The following COL6A5 variants were observed in gnomAD, a reference collection of about 807,000 sequenced individuals.
The protein encoded by COL6A5 is collagen alpha-5(VI) chain.
COL6A5 carries 48 observed loss-of-function variants against 65.6 expected under a neutral mutation model. That is an observed-to-expected ratio of 0.73 (90% CI 0.58 to 0.93). COL6A5 has a LOEUF of 0.93. Ranked by LOEUF, COL6A5 falls within the 40% of genes least tolerant of loss-of-function variation. COL6A5 has a pLI of 0.00. For missense variants in COL6A5, 914 were observed against 928.3 expected (o/e 0.98, Z 0.20); for synonymous variants, 291 against 322.8 (o/e 0.90, Z 1.05).
At chr3:130,447,427 A>C (rs966220051) in intron 4 of COL6A5, among the ~76,000 whole-genome samples, 6 of 152,168 alleles carry the variant, frequency 3.9e-5, no homozygotes, top group African/African-American at 1.4e-4. Context: ...TTTCCAGCTG[A>C]GAGCAAATTT....
intron 7 of COL6A5, chr3:130,476,871 T>G (rs1036448895): frequency 1.5e-6 from 1 of 684,460 alleles, no homozygotes; most frequent in Admixed American, 2.0e-5. Flanking sequence ...TCTTTAATTC[T>G]TTTTCTCACA....
rs144244014 is a variant in COL6A5 at position 130,462,756 on chromosome 3, C to T, written c.1545-6039C>T. On this transcript the variant is annotated intron_variant, in intron 5 of 7. Coordinates refer to ENST00000512836, the Ensembl canonical transcript of COL6A5. ...CATTTAGTTCGTATATAGTTGCTTA[C>T]TTTTGGAAGAAAACGTTCTCTGGTG... Among the ~76,000 whole-genome samples the T allele has an allele frequency of 1.5e-3, 234 of 152,160 alleles. 1 individual carries two copies. Among genetic ancestry groups the T allele is most frequent in the Non-Finnish European group, 2.8e-3 (193 of 67,974 alleles).
At position 130,371,866 on chromosome 3, in the gene COL6A5, G is replaced by A. The variant is rs1021186894; in HGVS notation, c.-28-1745G>A. On this transcript the variant is annotated intron_variant and NMD_transcript_variant, in intron 1 of 41. Transcript: ENST00000312481. The stretch of plus-strand genomic sequence containing the variant: ...ATTTAAAATCACTTGTGCCTCAAAG[G>A]ACACATTTAAAAAGTGAAAATACAA... Among the ~76,000 whole-genome samples, 10 of 152,144 alleles carry A rather than the reference G, an allele frequency of 6.6e-5. No homozygotes were observed. In the South Asian group the frequency reaches 2.1e-3, roughly 32 times the overall value.
At position 130,388,564 on chromosome 3, in the gene COL6A5, T is replaced by A; in HGVS notation, c.1862-16T>A. The A allele has an allele frequency of 6.7e-7, 1 of 1,495,388 alleles. No homozygotes were observed. The highest frequency in any genetic ancestry group is 1.4e-5 in the South Asian group (1 of 73,046). The allele number at this position is 1,495,388 out of a possible 1,614,324, so 92.6% of individuals were successfully genotyped here. ...CCAACCTGGTTATTTCTGGTCTTTT[T>A]TTTTATAACATGCAGGATGTGAAGA... is the stretch of plus-strand genomic sequence containing the variant. On this transcript the variant is annotated splice_polypyrimidine_tract_variant and intron_variant and NMD_transcript_variant, in intron 5 of 41. Transcript: ENST00000312481.
exon 3 of COL6A5, chr3:130,440,788 T>C (rs973609286): frequency 4.3e-6 from 7 of 1,612,584 alleles, no homozygotes; most frequent in South Asian, 1.1e-5. Context: ...TGAATTATAT[T>C]GCGAAGTTCT....
At chr3:130,440,166 A>G in exon 3 of COL6A5, 2 of 1,608,114 alleles carry the variant, frequency 1.2e-6, no homozygotes, top group Non-Finnish European at 1.7e-6. Context: ...GTGTTTTCAG[A>G]TAAATGTTTT....
intron 5 of COL6A5, among the ~76,000 whole-genome samples, chr3:130,463,600 C>G (rs1399872289): frequency 6.6e-6 from 1 of 152,070 alleles, no homozygotes. Context: ...CCTTCCAAAT[C>G]TTGCCCATAG....
chr3:130,356,038 C>T (rs948153810), intron 1 of COL6A5, among the ~76,000 whole-genome samples: 8 of 151,950 alleles, frequency 5.3e-5, no homozygotes, highest in African/African-American at 1.9e-4. Context: ...CTTTTTTCTG[C>T]CCTCCTCTTC....
chr3:130,352,560 G>A (rs776027446), intron 1 of COL6A5, among the ~76,000 whole-genome samples: 5 of 152,074 alleles, frequency 3.3e-5, no homozygotes, highest in Admixed American at 6.6e-5. Flanking sequence ...AAAATGGGTA[G>A]ATGTATTTAT....
At chr3:130,422,255 A>T (rs1937531055) in intron 27 of COL6A5, among the ~76,000 whole-genome samples, 1 of 152,054 alleles carries the variant, frequency 6.6e-6, no homozygotes, top group African/African-American at 2.4e-5. Flanking sequence ...ATAAAGGGAG[A>T]AAATTAGCAT....
chr3:130,397,487 T>C, intron 8 of COL6A5, 96 bp from the exon 9 acceptor site: 1 of 901,106 alleles, frequency 1.1e-6, no homozygotes, highest in Non-Finnish European at 1.7e-6. Context: ...AGAGACCCTC[T>C]AGCTCTGGGG....
chr3:130,365,522 C>T (rs1577431711), intron 1 of COL6A5, among the ~76,000 whole-genome samples: 1 of 152,290 alleles, frequency 6.6e-6, no homozygotes, highest in Non-Finnish European at 1.5e-5. Flanking sequence ...CGTGATCCGC[C>T]CGCCTCGGCC....
At chr3:130,397,976 A>T in intron 9 of COL6A5, 53 bp downstream of exon 9, 1 of 1,543,940 alleles carries the variant, frequency 6.5e-7, no homozygotes, top group East Asian at 2.4e-5. Context: ...TTTGTTCTTC[A>T]TTCCCCAATT....
intron 4 of COL6A5, among the ~76,000 whole-genome samples, chr3:130,454,921 A>C (rs1709532442): frequency 6.6e-6 from 1 of 152,110 alleles, no homozygotes; most frequent in African/African-American, 2.4e-5. Context: ...AGGGAGGATC[A>C]CTTGAGCCCA....
At chr3:130,424,088 T>A (rs146362929) in intron 29 of COL6A5, among the ~76,000 whole-genome samples, 188 bp downstream of exon 29, 23 of 152,250 alleles carry the variant, frequency 1.5e-4, no homozygotes, top group African/African-American at 5.3e-4. Context: ...CTGTCCTAAC[T>A]ACCTCAAAAG....
intron 7 of COL6A5, among the ~76,000 whole-genome samples, chr3:130,480,662 C>G (rs1371680297): frequency 6.6e-6 from 1 of 152,088 alleles, no homozygotes; most frequent in Non-Finnish European, 1.5e-5. Context: ...ACCACTTAAA[C>G]TCATAACGAA....
intron 4 of COL6A5, among the ~76,000 whole-genome samples, chr3:130,451,606 G>A (rs115923276): frequency 6.6e-6 from 1 of 152,182 alleles, no homozygotes; most frequent in African/African-American, 2.4e-5. Context: ...AGAATAATTA[G>A]CATATATATG....
At position 130,376,902 on chromosome 3, in the gene COL6A5, C is replaced by T. The variant is rs535519733; in HGVS notation, c.667+66C>T. On this transcript the variant is annotated intron_variant and NMD_transcript_variant, in intron 3 of 41. Transcript: ENST00000312481. ...TGGGTCTACATCTGTCCACTCTCACCTCTTGCAACTCATGTTAGGTTTTCA... is the reference window on the plus strand; with the variant it reads ...TGGGTCTACATCTGTCCACTCTCACTTCTTGCAACTCATGTTAGGTTTTCA... 1.8e-4 allele frequency: 255 copies of T among 1,447,754 alleles called. No homozygotes were observed. The African/African-American group carries it at 3.5e-3, about 20-fold the overall frequency. The allele number at this position is 1,447,754 out of a possible 1,614,324, so 89.7% of individuals were successfully genotyped here. A position where few individuals can be genotyped will look rare whatever the true frequency, so the allele number is the denominator to read the frequency against.
chr3:130,401,027 A>G lies in COL6A5; in HGVS notation c.3992-4A>G. 1 of 1,539,966 alleles carries G rather than the reference A, an allele frequency of 6.5e-7. No individual in the cohort carries two copies. The highest frequency in any genetic ancestry group is 1.7e-4 in the Middle Eastern group (1 of 5,924). ...TTATTTATATTGTGGTTTTTACCAC[A>G]TAGGACTTGATGCTCTGCTGGTAGT... On this transcript the variant is annotated splice_region_variant and splice_polypyrimidine_tract_variant and intron_variant and NMD_transcript_variant, in intron 10 of 41. Coordinates refer to the COL6A5 transcript ENST00000312481.
Sources: allele counts gnomAD v4.1 joint callset (sites outside exome capture counted in the v4.1 genomes callset), GRCh38; gene constraint gnomAD v4.1.1; transcripts MANE v1.5; gene names NCBI Gene and HGNC (gene_info 2026-07-23, HGNC 2026-07-21).